The following SCAPER variants were observed in gnomAD, a reference collection of about 807,000 sequenced individuals.
SCAPER encodes S phase cyclin A-associated protein in the endoplasmic reticulum.
Under a neutral mutation model 182.2 loss-of-function variants are expected in SCAPER, and 98 were observed. That is an observed-to-expected ratio of 0.54 (90% CI 0.46 to 0.64). SCAPER has a LOEUF of 0.64. Ranked by LOEUF, SCAPER falls within the 30% of genes least tolerant of loss-of-function variation. SCAPER has a pLI of 0.00. For synonymous variants in SCAPER, 605 were observed against 564.6 expected, an observed-to-expected ratio of 1.07 and a Z score of -1.01; for missense variants, 1,432 against 1,690.0, an observed-to-expected ratio of 0.85 and a Z score of 2.68.
At chr15:76,637,687 C>A (rs1457346519) in intron 21 of SCAPER, among the ~76,000 whole-genome samples, 1 of 148,606 alleles carries the variant, frequency 6.7e-6, no homozygotes, top group African/African-American at 2.5e-5. Context: ...GCCTGGCTAA[C>A]AGAGTGAAAC....
intron 27 of SCAPER, among the ~76,000 whole-genome samples, chr15:76,400,079 G>A (rs1325702722): frequency 6.6e-6 from 1 of 152,104 alleles, no homozygotes; most frequent in African/African-American, 2.4e-5. Flanking sequence ...GGCACAATAG[G>A]AGAGTAGTGC....
At chr15:76,422,039 T>C (rs887853017) in intron 26 of SCAPER, among the ~76,000 whole-genome samples, 12 of 152,228 alleles carry the variant, frequency 7.9e-5, no homozygotes, top group Non-Finnish European at 1.5e-4. Flanking sequence ...GTAGTATAGT[T>C]TGAAGTCAGG....
intron 5 of SCAPER, among the ~76,000 whole-genome samples, chr15:76,830,945 C>A (rs536438931): frequency 6.6e-6 from 1 of 152,108 alleles, no homozygotes; most frequent in Non-Finnish European, 1.5e-5. Flanking sequence ...CCATTCCTGG[C>A]CCAAAGTGGC....
At chr15:76,572,913 T>TCACA (rs1481190270) in intron 23 of SCAPER, among the ~76,000 whole-genome samples, 6,842 of 119,168 alleles carry the variant, frequency 0.057, 182 homozygotes, top group Middle Eastern at 0.1. Context: ...TCTCTCTCTC[T>TCACA]CTCTCTCACA....
intron 27 of SCAPER, among the ~76,000 whole-genome samples, chr15:76,400,235 G>A (rs565142798): frequency 1.3e-5 from 2 of 152,232 alleles, no homozygotes; most frequent in East Asian, 3.9e-4. Flanking sequence ...GCCCTCTCTA[G>A]CTCCTCTTCC....
chr15:76,845,220 C>T (rs2069944821), intron 4 of SCAPER, among the ~76,000 whole-genome samples: 2 of 152,010 alleles, frequency 1.3e-5, no homozygotes, highest in South Asian at 4.1e-4. Flanking sequence ...GGAACATACC[C>T]CAACATAATA....
At chr15:76,668,097 GT>G (rs1464887550) in intron 20 of SCAPER, among the ~76,000 whole-genome samples, 1 of 152,134 alleles carries the variant, frequency 6.6e-6, no homozygotes, top group Non-Finnish European at 1.5e-5. Flanking sequence ...TTCTGAAAGT[GT>G]TCTCTATTTG....
At chr15:76,853,036 A>T (rs2070922839) in intron 4 of SCAPER, among the ~76,000 whole-genome samples, 1 of 152,202 alleles carries the variant, frequency 6.6e-6, no homozygotes, top group Non-Finnish European at 1.5e-5. Context: ...ACCATCAGAA[A>T]CCGCTATGAA....
At chr15:76,422,684 C>G (rs1169244702) in intron 26 of SCAPER, among the ~76,000 whole-genome samples, 1 of 152,206 alleles carries the variant, frequency 6.6e-6, no homozygotes, top group Non-Finnish European at 1.5e-5. Flanking sequence ...GAGGGGGCAT[C>G]CCTGTCTTGT....
intron 2 of SCAPER, among the ~76,000 whole-genome samples, chr15:76,878,567 G>A (rs2073334525): frequency 6.6e-6 from 1 of 152,120 alleles, no homozygotes; most frequent in Non-Finnish European, 1.5e-5. Flanking sequence ...TAGGAGAAGT[G>A]CCAAAGGTGC....
chr15:76,845,738 AGAAT>A (rs367562319), intron 4 of SCAPER, among the ~76,000 whole-genome samples: 5 of 152,280 alleles, frequency 3.3e-5, no homozygotes, highest in Middle Eastern at 3.4e-3. Context: ...ATGAATTGGA[AGAAT>A]GAATGTTATT....
In SCAPER at chr15:76,450,002, A is replaced by C. The variant is rs567921374; in HGVS notation, c.3079-15692T>G. Among the ~76,000 whole-genome samples the C allele has an allele frequency of 2.6e-5, 4 of 152,346 alleles. No individual in the cohort carries two copies. In the South Asian group the frequency reaches 8.3e-4, roughly 32 times the overall value. On this transcript the variant is annotated intron_variant, in intron 25 of 31. Coordinates refer to ENST00000563290, the MANE Select transcript of SCAPER (RefSeq NM_020843.4). ...TATACAGTCTCCATCACAACTACTC[A>C]GTTCTACTGTTGTAAGAAGAAAGCA...
intron 4 of SCAPER, among the ~76,000 whole-genome samples, chr15:76,848,105 T>C (rs936325004): frequency 1.3e-5 from 2 of 151,856 alleles, no homozygotes; most frequent in African/African-American, 4.8e-5. Flanking sequence ...CCTCCCAGGT[T>C]CAAGTGGTTC....
chr15:76,864,151 G>C (rs1265914472), intron 2 of SCAPER, among the ~76,000 whole-genome samples: 1 of 152,040 alleles, frequency 6.6e-6, no homozygotes, highest in Non-Finnish European at 1.5e-5. Flanking sequence ...TACACACCTG[G>C]ATCTATTTCT....
At chr15:76,451,523 T>G (rs1234762494) in intron 25 of SCAPER, among the ~76,000 whole-genome samples, 1 of 152,216 alleles carries the variant, frequency 6.6e-6, no homozygotes, top group Non-Finnish European at 1.5e-5. Flanking sequence ...CGAATGCAAC[T>G]ACATACTGAA....
chr15:76,680,636 G>A (rs887264909), intron 20 of SCAPER, among the ~76,000 whole-genome samples: 1 of 151,992 alleles, frequency 6.6e-6, no homozygotes, highest in Non-Finnish European at 1.5e-5. Flanking sequence ...GTGGAGCGGT[G>A]AGTCCTTCCT....
intron 24 of SCAPER, among the ~76,000 whole-genome samples, chr15:76,480,816 C>T (rs547269893): frequency 1.3e-5 from 2 of 152,156 alleles, no homozygotes; most frequent in South Asian, 4.1e-4. Flanking sequence ...CTGCAAGCTC[C>T]GCCTCCCGAG....
intron 20 of SCAPER, among the ~76,000 whole-genome samples, chr15:76,672,593 G>A (rs924373858): frequency 2.0e-5 from 3 of 152,100 alleles, no homozygotes; most frequent in African/African-American, 4.8e-5. Flanking sequence ...AACAGAAGAT[G>A]TATAAGAGTA....
At chr15:76,585,317 G>A (rs932624567) in intron 22 of SCAPER, among the ~76,000 whole-genome samples, 3 of 151,750 alleles carry the variant, frequency 2.0e-5, no homozygotes, top group Admixed American at 6.6e-5. Context: ...AATGGAAAAA[G>A]AGAATATTAA....
Sources: gnomAD v4.1 joint callset for allele counts (sites outside exome capture counted in the v4.1 genomes callset) on GRCh38, gnomAD v4.1.1 for gene constraint, MANE v1.5 for transcripts, NCBI Gene and HGNC (gene_info 2026-07-23, HGNC 2026-07-21) for gene names.